SDK2: variants seen among roughly 807,000 people sequenced by gnomAD.
SDK2 encodes protein sidekick-2.
Under a neutral mutation model 253.9 loss-of-function variants are expected in SDK2, and 105 were observed. The ratio of observed to expected loss-of-function variants is 0.41; its 90% CI spans 0.35 to 0.49. SDK2 has a LOEUF of 0.49. Among genes scored for constraint, SDK2 ranks in the 20% least tolerant of loss-of-function variants. SDK2 has a pLI of 0.06. For synonymous variants in SDK2, 1,249 were observed against 1,234.9 expected (o/e 1.01, Z -0.24); for missense variants, 2,608 against 3,003.0 (o/e 0.87, Z 3.07).
At chr17:73,551,237 T>C (rs1347152953) in intron 1 of SDK2, among the ~76,000 whole-genome samples, 2 of 152,130 alleles carry the variant, frequency 1.3e-5, no homozygotes, top group African/African-American at 4.8e-5. Flanking sequence ...CCCCATCAGC[T>C]TCTGGTGCCT....
At chr17:73,442,556 G>A (rs1018865993) in intron 5 of SDK2, among the ~76,000 whole-genome samples, 1 of 152,108 alleles carries the variant, frequency 6.6e-6, no homozygotes, top group African/African-American at 2.4e-5. Flanking sequence ...GGCCAGGCTG[G>A]TCTTGAACTT....
At chr17:73,515,546 G>A (rs1325044910) in intron 1 of SDK2, among the ~76,000 whole-genome samples, 1 of 152,250 alleles carries the variant, frequency 6.6e-6, no homozygotes, top group Non-Finnish European at 1.5e-5. Context: ...AGGGTTTCAG[G>A]TGGATGAGCT....
In SDK2 at chr17:73,491,359, C is replaced by T. The variant is rs575645199; in HGVS notation, c.224+16079G>A. Among the ~76,000 whole-genome samples the T allele has an allele frequency of 6.2e-3, 913 of 148,162 alleles. 7 individuals are homozygous for T. The highest frequency in any genetic ancestry group is 8.0e-3 in the Non-Finnish European group (536 of 67,350). On this transcript the variant is annotated intron_variant, in intron 2 of 44. Coordinates refer to ENST00000392650, the MANE Select transcript of SDK2 (RefSeq NM_001144952.2). ...CCCCAGAGCCAACTCCTCTCTCTGC[C>T]TTTCTGTTTTTTGGCTTTTTTTTTT...
Position 73,465,779 on chromosome 17 carries a change from G to A in SDK2, c.331+6333C>T, listed in dbSNP as rs1248861042. On this transcript the variant is annotated intron_variant, in intron 3 of 44. Transcript: ENST00000392650. This position sits in a 1 kb window ranked among gnomAD's most constrained non-coding sequence, Gnocchi z 4.2. ...CTTTGGGAAGGGGGCTGGGTGCCAG[G>A]GGTTGGCCAGCCTGGCTCCATGATA... Among the ~76,000 whole-genome samples, 1 of 152,208 alleles carries A rather than the reference G, an allele frequency of 6.6e-6. No homozygotes were observed. Among genetic ancestry groups the A allele is most frequent in the Non-Finnish European group, 1.5e-5 (1 of 68,044 alleles).
intron 41 of SDK2, among the ~76,000 whole-genome samples, chr17:73,351,927 G>A (rs1033713953): frequency 2.7e-4 from 41 of 151,916 alleles, no homozygotes; most frequent in African/African-American, 8.9e-4. Flanking sequence ...TATTCTGGGT[G>A]GTTAGTGATA....
Position 73,384,009 on chromosome 17 carries a change from C to A in SDK2, c.4572G>T (p.Pro1524=). 1 of 1,613,372 alleles carries A rather than the reference C, an allele frequency of 6.2e-7. No homozygotes were observed. The highest frequency in any genetic ancestry group is 2.2e-5 in the East Asian group (1 of 44,858). Residue 1524 remains proline (P), a splice_region_variant and synonymous_variant, in exon 33 of 45, where the codon CCG becomes CCT. Transcript: ENST00000392650. The part of the protein sequence containing the change: ...TTTSVLIRWQ[P]PAEDKINGIL... ...TGCCATTGATCTTGTCCTCTGCTGGCGGCTGCAGGAAGGGAGTAGGGCATG... is the reference window on the plus strand; with the variant it reads ...TGCCATTGATCTTGTCCTCTGCTGGAGGCTGCAGGAAGGGAGTAGGGCATG...
chr17:73,587,634 G>A (rs984659594), intron 1 of SDK2, among the ~76,000 whole-genome samples: 9 of 152,148 alleles, frequency 5.9e-5, no homozygotes, highest in Non-Finnish European at 1.2e-4. Context: ...ATTCAGAGCC[G>A]AGCTCCGCAG....
chr17:73,486,415 C>G (rs1212858814), intron 2 of SDK2, among the ~76,000 whole-genome samples: 1 of 151,986 alleles, frequency 6.6e-6, no homozygotes, highest in African/African-American at 2.4e-5. Flanking sequence ...TTGAGACCAA[C>G]CTGGGCAACA....
At chr17:73,517,111 T>C (rs1315553395) in intron 1 of SDK2, 1 of 152,144 alleles carries the variant, frequency 6.6e-6, no homozygotes, top group African/African-American at 2.4e-5. Context: ...TGTTTTTCTA[T>C]AGCCCTGGCA....
At chr17:73,432,406 C>T (rs1220621389) in intron 10 of SDK2, among the ~76,000 whole-genome samples, 1 of 152,182 alleles carries the variant, frequency 6.6e-6, no homozygotes, top group South Asian at 2.1e-4. Context: ...GTCGCATGTC[C>T]GTTTGTACAT....
At position 73,616,154 on chromosome 17, in the gene SDK2, A is replaced by G. The variant is rs1360669184; in HGVS notation, c.64+27871T>C. Among the ~76,000 whole-genome samples the G allele has an allele frequency of 6.6e-6, 1 of 152,166 alleles. No individual in the cohort carries two copies. Among genetic ancestry groups the G allele is most frequent in the African/African-American group, 2.4e-5 (1 of 41,432 alleles). On this transcript the variant is annotated intron_variant, in intron 1 of 44. Transcript: ENST00000392650. This position sits in a 1 kb window ranked among gnomAD's most constrained non-coding sequence, Gnocchi z 5.2. Reference sequence around the variant, plus strand: ...GGAATCGGTACCTCCTCTTCCCCAGAACATCAGGAAGCGACCAGAAAGGCA... The same window carrying G: ...GGAATCGGTACCTCCTCTTCCCCAGGACATCAGGAAGCGACCAGAAAGGCA...
In SDK2 at chr17:73,422,359, G is replaced by A; in HGVS notation, c.1973C>T (p.Ala658Val). The A allele has an allele frequency of 1.2e-6, 2 of 1,614,044 alleles. No individual in the cohort carries two copies. The highest frequency in any genetic ancestry group is 1.7e-5 in the Admixed American group (1 of 60,032). Residue 658 changes from alanine to valine, a missense_variant, in exon 15 of 45, where the codon GCA becomes GTA. Ala to Val is a moderately conservative substitution (Grantham distance 64, BLOSUM62 0). This residue lies in a region of SDK2 where 1,505 missense variants were observed against 1,859.1 expected (regional missense o/e 0.81). Transcript: ENST00000392650. ...ACAAAGACGGAACTGGTAGGAGCGT[G>A]CAGGAACCAGGCCCTTGACTGTCAC... ...TSVTVKGLVP[A>V]RSYQFRLCAV... is the part of the protein sequence containing the mutation.
rs1387231948 is a variant in SDK2, at chr17:73,338,533, G to A, written c.*54C>T. The A allele has an allele frequency of 9.7e-7, 1 of 1,034,384 alleles. No individual in the cohort carries two copies. The highest frequency in any genetic ancestry group is 1.4e-6 in the Non-Finnish European group (1 of 712,044). The allele number at this position is 1,034,384 out of a possible 1,614,324, so 64.1% of individuals were successfully genotyped here. A position where few individuals can be genotyped will look rare whatever the true frequency, so the allele number is the denominator to read the frequency against. On this transcript the variant is annotated 3_prime_UTR_variant, in exon 45 of 45. Transcript: ENST00000392650. This position sits in a 1 kb window ranked among gnomAD's most constrained non-coding sequence, Gnocchi z 5.0. ...GTTTTCTGGCAGGCAGTGAGAGGAG[G>A]GGTGAAGGAGGAGTTTGGTGCCATT...
rs35772919 is a variant in SDK2 at position 73,336,877 on chromosome 17, T to TTACA, written c.*1709_*1710insTGTA. The TTACA allele has an allele frequency of 6.6e-6, 1 of 152,566 alleles. No individual in the cohort carries two copies. Among genetic ancestry groups the TTACA allele is most frequent in the African/African-American group, 2.4e-5 (1 of 41,390 alleles). 9.5% of individuals were successfully genotyped at this position (152,566 alleles called of 1,614,324 possible). A position where few individuals can be genotyped will look rare whatever the true frequency, so the allele number is the denominator to read the frequency against. The stretch of plus-strand genomic sequence containing the variant: ...CCCATCTCAGCGGTGGGGCAGGTGT[T>TTACA]GGGCTGGCCTTACAGGGCTGGCTGA... On this transcript the variant is annotated 3_prime_UTR_variant, in exon 45 of 45. Transcript: ENST00000392650.
intron 29 of SDK2, among the ~76,000 whole-genome samples, chr17:73,388,922 C>T (rs1256871383): frequency 1.6e-5 from 1 of 64,402 alleles, no homozygotes; most frequent in Non-Finnish European, 3.0e-5. Flanking sequence ...CCCTTTTTCC[C>T]CCCTTCCCTC....
At position 73,356,134 on chromosome 17, in the gene SDK2, G is replaced by A. The variant is rs541284807; in HGVS notation, c.5593+1945C>T. On this transcript the variant is annotated intron_variant, in intron 40 of 44. Transcript: ENST00000392650. The stretch of plus-strand genomic sequence containing the variant: ...TCCTACGCTGTCAGCAGCAGAGCTG[G>A]TGTTACTGCCTGGGGCCACCTCATT... Among the ~76,000 whole-genome samples, 21 of 152,342 alleles carry A rather than the reference G, an allele frequency of 1.4e-4. No individual in the cohort carries two copies. In the South Asian group the frequency reaches 1.9e-3, roughly 14 times the overall value.
intron 1 of SDK2, among the ~76,000 whole-genome samples, chr17:73,538,812 T>A (rs1599660567): frequency 6.6e-6 from 1 of 152,172 alleles, no homozygotes; most frequent in African/African-American, 2.4e-5. Context: ...GAGTCCCACC[T>A]TGGCCTCAGT....
intron 2 of SDK2, among the ~76,000 whole-genome samples, chr17:73,493,209 CAA>C (rs1485437216): frequency 2.0e-5 from 3 of 151,458 alleles, no homozygotes; most frequent in African/African-American, 7.2e-5. Flanking sequence ...AGGCCAAATT[CAA>C]ATATGTCAAT....
At chr17:73,592,144 C>G (rs2045691326) in intron 1 of SDK2, among the ~76,000 whole-genome samples, 1 of 152,222 alleles carries the variant, frequency 6.6e-6, no homozygotes, top group Non-Finnish European at 1.5e-5. Flanking sequence ...CTACCAGTAG[C>G]CCTTGCACCA....
Sources: allele counts gnomAD v4.1 joint callset (sites outside exome capture counted in the v4.1 genomes callset), GRCh38; gene constraint gnomAD v4.1.1; regional missense constraint gnomAD v4.1.1; non-coding constraint Gnocchi (gnomAD v3.1); transcripts MANE v1.5; gene names NCBI Gene and HGNC (gene_info 2026-07-23, HGNC 2026-07-21).